Variants in RHOU observed in about 807,000 individuals in gnomAD.
The protein encoded by RHOU is ras homolog family member U.
In RHOU, 8 loss-of-function variants were observed where a neutral mutation model predicts 12.6. The observed-to-expected ratio is 0.64, with a 90% CI of 0.37 to 1.15. RHOU has a LOEUF of 1.15. RHOU is among the 50% of genes most tolerant of loss of function. The pLI is 0.01. For missense variants in RHOU, 258 were observed against 347.0 expected (o/e 0.74, Z 2.04); for synonymous variants, 161 against 147.4 (o/e 1.09, Z -0.67).
At chr1:228,685,560 T>C in the RHOU span, among the ~76,000 whole-genome samples, 1 of 152,116 alleles carries the variant, frequency 6.6e-6, no homozygotes, top group African/African-American at 2.4e-5. Context: ...AAAATGGAAA[T>C]CTATTGAGCA....
In RHOU at chr1:228,746,434, TA is replaced by T. The variant is rs1319216438; in HGVS notation, c.*2695del. The T allele has an allele frequency of 6.6e-6, 1 of 152,232 alleles. No individual in the cohort carries two copies. The highest frequency in any genetic ancestry group is 1.5e-5 in the Non-Finnish European group (1 of 68,038). 9.4% of individuals were successfully genotyped at this position (152,232 alleles called of 1,614,324 possible). A position where few individuals can be genotyped will look rare whatever the true frequency, so the allele number is the denominator to read the frequency against. ...CTGTTTGTTATCTCTTGTTACCATG[TA>T]TGTATAAATGGACCTTTTATAACCT... On this transcript the variant is annotated 3_prime_UTR_variant, in exon 3 of 3. Transcript: ENST00000366691.
the RHOU span, among the ~76,000 whole-genome samples, chr1:228,723,346 C>T: frequency 6.6e-6 from 1 of 152,226 alleles, no homozygotes; most frequent in Non-Finnish European, 1.5e-5. Context: ...CAGGTATATA[C>T]AGAGGCTGGA....
In RHOU at chr1:228,737,788, C is replaced by A; in HGVS notation, c.321+57C>A. 1 of 1,558,682 alleles carries A rather than the reference C, an allele frequency of 6.4e-7. No individual in the cohort carries two copies. Among genetic ancestry groups the A allele is most frequent in the Non-Finnish European group, 8.9e-7 (1 of 1,129,878 alleles). On this transcript the variant is annotated intron_variant, in intron 2 of 2. Transcript: ENST00000366691. The surrounding 1 kb of genome is among the most constrained non-coding windows in gnomAD (Gnocchi z 4.1). ...AAGGAAACAGCCTTTTAAAGATTTC[C>A]AAATAACCTTTGATTCCCTCAGTCA...
chr1:228,710,426 A>G, the RHOU span, among the ~76,000 whole-genome samples: 1 of 152,246 alleles, frequency 6.6e-6, no homozygotes, highest in Non-Finnish European at 1.5e-5. Flanking sequence ...ATACTGGCAA[A>G]CTGAATCCAG....
At position 228,745,318 on chromosome 1, in the gene RHOU, C is replaced by T. The variant is rs1276957172; in HGVS notation, c.*1578C>T. On this transcript the variant is annotated 3_prime_UTR_variant, in exon 3 of 3. Transcript: ENST00000366691. ...AGGGTCGGGCTTGCGGTGGGTGACC[C>T]AGAGCCACCAAAGTCACATCCACAA... 1 of 152,156 alleles carries T rather than the reference C, an allele frequency of 6.6e-6. No individual in the cohort carries two copies. The highest frequency in any genetic ancestry group is 2.4e-5 in the African/African-American group (1 of 41,438). The allele number at this position is 152,156 out of a possible 1,614,324, so 9.4% of individuals were successfully genotyped here.
the RHOU span, among the ~76,000 whole-genome samples, chr1:228,723,348 G>C: frequency 1.3e-5 from 2 of 152,248 alleles, no homozygotes; most frequent in Admixed American, 1.3e-4. Flanking sequence ...GGTATATACA[G>C]AGGCTGGAGG....
At chr1:228,717,146 A>C in the RHOU span, among the ~76,000 whole-genome samples, 2 of 152,188 alleles carry the variant, frequency 1.3e-5, no homozygotes, top group Non-Finnish European at 1.5e-5. Flanking sequence ...ACTGAAACAA[A>C]AGCATTTCCT....
At chr1:228,711,054 C>T in the RHOU span, among the ~76,000 whole-genome samples, 1 of 152,042 alleles carries the variant, frequency 6.6e-6, no homozygotes, top group Non-Finnish European at 1.5e-5. Context: ...AACTCCCATT[C>T]ACAATTGCTT....
chr1:228,702,139 C>T, the RHOU span, among the ~76,000 whole-genome samples: 1 of 151,984 alleles, frequency 6.6e-6, no homozygotes, highest in Non-Finnish European at 1.5e-5. Context: ...AGTATTTTAA[C>T]ATACTTGTAA....
At chr1:228,714,884 C>A in the RHOU span, among the ~76,000 whole-genome samples, 9 of 151,582 alleles carry the variant, frequency 5.9e-5, no homozygotes, top group Admixed American at 1.3e-4. Context: ...GCTGAGACTA[C>A]AGGCACATGC....
chr1:228,686,959 C>T, the RHOU span, among the ~76,000 whole-genome samples: 6 of 152,122 alleles, frequency 3.9e-5, no homozygotes, highest in Admixed American at 2.6e-4. Context: ...AGGCTGGTCT[C>T]GAACTCCTGA....
At chr1:228,652,274 G>A in the RHOU span, among the ~76,000 whole-genome samples, 1 of 152,196 alleles carries the variant, frequency 6.6e-6, no homozygotes, top group Non-Finnish European at 1.5e-5. Flanking sequence ...TCTATGTGTT[G>A]TGTCTCTTGT....
At chr1:228,680,295 G>A in the RHOU span, among the ~76,000 whole-genome samples, 4 of 152,252 alleles carry the variant, frequency 2.6e-5, no homozygotes, top group South Asian at 6.2e-4. Flanking sequence ...AATGTGAGTC[G>A]GACAGTCTGA....
chr1:228,744,307 C>G lies in RHOU; in HGVS notation c.*567C>G, dbSNP rs1316356037. The G allele has an allele frequency of 6.6e-6, 1 of 152,278 alleles. No homozygotes were observed. Among genetic ancestry groups the G allele is most frequent in the Non-Finnish European group, 1.5e-5 (1 of 68,180 alleles). The allele number at this position is 152,278 out of a possible 1,614,324, so 9.4% of individuals were successfully genotyped here. A position where few individuals can be genotyped will look rare whatever the true frequency, so the allele number is the denominator to read the frequency against. ...AGTCACTTTTGTCAATTGCTAATACCCAGTTACTTATGATTTAAAAACAAC... is the reference window on the plus strand; with the variant it reads ...AGTCACTTTTGTCAATTGCTAATACGCAGTTACTTATGATTTAAAAACAAC... On this transcript the variant is annotated 3_prime_UTR_variant, in exon 3 of 3. Transcript: ENST00000366691.
the RHOU span, among the ~76,000 whole-genome samples, chr1:228,657,259 G>C: frequency 1.2e-5 from 1 of 86,918 alleles, no homozygotes; most frequent in South Asian, 3.9e-4. Flanking sequence ...CCTGGGCAAC[G>C]AGAGCAAAAA....
chr1:228,725,064 A>G, the RHOU span, among the ~76,000 whole-genome samples: 1 of 152,228 alleles, frequency 6.6e-6, no homozygotes, highest in South Asian at 2.1e-4. Context: ...AGACTACAGT[A>G]ATAGGAACAA....
At chr1:228,693,745 C>G in the RHOU span, among the ~76,000 whole-genome samples, 1 of 152,164 alleles carries the variant, frequency 6.6e-6, no homozygotes, top group Non-Finnish European at 1.5e-5. Flanking sequence ...GGATTACAGG[C>G]ATGAGCCACC....
At chr1:228,688,735 C>T in the RHOU span, among the ~76,000 whole-genome samples, 4 of 152,152 alleles carry the variant, frequency 2.6e-5, no homozygotes, top group Admixed American at 1.3e-4. Context: ...TTGGTACTGC[C>T]TTTCAGTATT....
chr1:228,695,635 G>T, the RHOU span, among the ~76,000 whole-genome samples: 4 of 152,170 alleles, frequency 2.6e-5, no homozygotes, highest in East Asian at 5.8e-4. Flanking sequence ...TCATTATAAA[G>T]AATATTACAA....
Sources: allele counts gnomAD v4.1 joint callset (sites outside exome capture counted in the v4.1 genomes callset), GRCh38; gene constraint gnomAD v4.1.1; non-coding constraint Gnocchi (gnomAD v3.1); transcripts MANE v1.5; gene names NCBI Gene and HGNC (gene_info 2026-07-23, HGNC 2026-07-21).